Variants in PEX3 observed in about 807,000 individuals in gnomAD.
PEX3 encodes the protein peroxin-3.
A neutral mutation model predicts 55.8 loss-of-function variants in PEX3; 30 were observed. That is an observed-to-expected ratio of 0.54 (90% CI 0.40 to 0.73). The LOEUF is 0.73. PEX3 is among the 30% of genes least tolerant of loss of function. The pLI is 0.00. For synonymous variants in PEX3, 135 were observed against 148.4 expected (o/e 0.91, Z 0.66); for missense variants, 351 against 432.8 (o/e 0.81, Z 1.68).
chr6:143,461,915 T>G (rs558501111), intron 2 of PEX3, among the ~76,000 whole-genome samples: 12 of 152,346 alleles, frequency 7.9e-5, no homozygotes, highest in Admixed American at 2.6e-4. Context: ...ACCACTGCAC[T>G]CCAGCCTGGG....
Position 143,466,781 on chromosome 6 carries a change from A to G in PEX3, c.288-1341A>G, listed in dbSNP as rs1324719594. Among the ~76,000 whole-genome samples the G allele has an allele frequency of 6.6e-6, 1 of 152,068 alleles. No individual in the cohort carries two copies. The highest frequency in any genetic ancestry group is 2.4e-5 in the African/African-American group (1 of 41,442). The stretch of plus-strand genomic sequence containing the variant: ...TAAGGGGGCAGATATAAATGTATAT[A>G]TACATATTCACTTATATAAAGCAAA... On this transcript the variant is annotated intron_variant, in intron 3 of 11. Transcript: ENST00000367591. This position sits in a 1 kb window ranked among gnomAD's most constrained non-coding sequence, Gnocchi z 5.4.
chr6:143,480,792 C>T (rs1365775854), intron 10 of PEX3, among the ~76,000 whole-genome samples: 1 of 152,158 alleles, frequency 6.6e-6, no homozygotes, highest in Non-Finnish European at 1.5e-5. Flanking sequence ...GGGTGGATTG[C>T]ACGAGCCCAG....
rs2128748198 is a variant in PEX3 at position 143,487,155 on chromosome 6, G to C, written c.1038+1907G>C. ...GATAAATTATTTCAGATTGCTTTCA[G>C]ATAACATAAGGAAAGAGCTTTTATA... On this transcript the variant is annotated intron_variant, in intron 11 of 11. Transcript: ENST00000367591. This position sits in a 1 kb window ranked among gnomAD's most constrained non-coding sequence, Gnocchi z 5.3. Among the ~76,000 whole-genome samples the C allele has an allele frequency of 6.6e-6, 1 of 152,278 alleles. No homozygotes were observed. The highest frequency in any genetic ancestry group is 2.1e-4 in the South Asian group (1 of 4,828).
In PEX3 at chr6:143,485,384, T is replaced by A; in HGVS notation, c.1038+136T>A. 1 of 693,388 alleles carries A rather than the reference T, an allele frequency of 1.4e-6. No homozygotes were observed. The highest frequency in any genetic ancestry group is 2.0e-5 in the Admixed American group (1 of 49,762). 43.0% of individuals were successfully genotyped at this position (693,388 alleles called of 1,614,324 possible). A position where few individuals can be genotyped will look rare whatever the true frequency, so the allele number is the denominator to read the frequency against. On this transcript the variant is annotated intron_variant, in intron 11 of 11. Coordinates refer to ENST00000367591, the MANE Select transcript of PEX3 (RefSeq NM_003630.3). The surrounding 1 kb of genome is among the most constrained non-coding windows in gnomAD (Gnocchi z 5.6). ...ACAGAACTTGGAACTACATGTAGAGTATGGTAGAGTGTCCCATGAGAGTAA... is the reference window on the plus strand; with the variant it reads ...ACAGAACTTGGAACTACATGTAGAGAATGGTAGAGTGTCCCATGAGAGTAA...
Position 143,489,237 on chromosome 6 carries a change from A to G in PEX3, c.*11A>G. On this transcript the variant is annotated 3_prime_UTR_variant, in exon 12 of 12. Coordinates refer to ENST00000367591, the MANE Select transcript of PEX3 (RefSeq NM_003630.3). This position sits in a 1 kb window ranked among gnomAD's most constrained non-coding sequence, Gnocchi z 5.5. ...CAACTGGAGAAATGATTTTTCCTTC[A>G]AGAAAAACTACAGTGGGATTCATTT... 1 of 1,447,316 alleles carries G rather than the reference A, an allele frequency of 6.9e-7. No homozygotes were observed. The highest frequency in any genetic ancestry group is 1.7e-5 in the Admixed American group (1 of 59,766). The allele number at this position is 1,447,316 out of a possible 1,614,324, so 89.7% of individuals were successfully genotyped here. A position where few individuals can be genotyped will look rare whatever the true frequency, so the allele number is the denominator to read the frequency against.
Position 143,483,758 on chromosome 6 carries a change from T to C in PEX3, c.942-1394T>C, listed in dbSNP as rs983239442. Among the ~76,000 whole-genome samples the C allele has an allele frequency of 1.3e-5, 2 of 152,240 alleles. No individual in the cohort carries two copies. The highest frequency in any genetic ancestry group is 1.9e-4 in the East Asian group (1 of 5,184). On this transcript the variant is annotated intron_variant, in intron 10 of 11. Transcript: ENST00000367591. This position sits in a 1 kb window ranked among gnomAD's most constrained non-coding sequence, Gnocchi z 4.3. The stretch of plus-strand genomic sequence containing the variant: ...AGACAAATGGATGAATGAAGACTTA[T>C]TAATCAATTCAACAAGTATGTATTG...
At position 143,458,499 on chromosome 6, in the gene PEX3, G is replaced by T. The variant is rs161074; in HGVS notation, c.74-586G>T. ...TTCCTTTTAAAATTTTTATCTTATA[G>T]TTTTAAAAAGCATTTTGTGTTCATT... On this transcript the variant is annotated intron_variant, in intron 1 of 11. Coordinates refer to ENST00000367591, the MANE Select transcript of PEX3 (RefSeq NM_003630.3). The surrounding 1 kb of genome is among the most constrained non-coding windows in gnomAD (Gnocchi z 6.1). 0.69 allele frequency among the ~76,000 whole-genome samples: 104,349 copies of T among 151,984 alleles called. 36,186 individuals carry two copies. The highest frequency in any genetic ancestry group is 0.78 in the African/African-American group (32,193 of 41,464).
At chr6:143,484,701 A>G (rs1045781955) in intron 10 of PEX3, among the ~76,000 whole-genome samples, 4 of 152,106 alleles carry the variant, frequency 2.6e-5, no homozygotes, top group African/African-American at 7.2e-5. Flanking sequence ...TGACCCAGTG[A>G]TTTCATGTTT....
intron 9 of PEX3, among the ~76,000 whole-genome samples, chr6:143,477,119 A>C (rs1389620944): frequency 6.6e-6 from 1 of 152,198 alleles, no homozygotes; most frequent in Non-Finnish European, 1.5e-5. Context: ...CTTGTTGAGA[A>C]GTTTCAGAGG....
chr6:143,469,882 G>T (rs142850871), intron 4 of PEX3, among the ~76,000 whole-genome samples: 2,762 of 152,222 alleles, frequency 0.018, 104 homozygotes, highest in Admixed American at 0.073. Flanking sequence ...TCCAATTTCA[G>T]CTAAGCCTTG....
In PEX3 at chr6:143,458,425, A is replaced by T. The variant is rs1779874663; in HGVS notation, c.74-660A>T. Among the ~76,000 whole-genome samples, 1 of 152,174 alleles carries T rather than the reference A, an allele frequency of 6.6e-6. No individual in the cohort carries two copies. Among genetic ancestry groups the T allele is most frequent in the Non-Finnish European group, 1.5e-5 (1 of 68,012 alleles). On this transcript the variant is annotated intron_variant, in intron 1 of 11. Coordinates refer to ENST00000367591, the MANE Select transcript of PEX3 (RefSeq NM_003630.3). This position sits in a 1 kb window ranked among gnomAD's most constrained non-coding sequence, Gnocchi z 6.1. ...TATCTCAAAGAGATTTTTCTAACACATGGATGGATAAATAGACTTCTGCCT... is the reference window on the plus strand; with the variant it reads ...TATCTCAAAGAGATTTTTCTAACACTTGGATGGATAAATAGACTTCTGCCT...
In PEX3 at chr6:143,470,972, A is replaced by C; in HGVS notation, c.343A>C (p.Ser115Arg). 1 of 1,612,614 alleles carries C rather than the reference A, an allele frequency of 6.2e-7. No individual in the cohort carries two copies. Among genetic ancestry groups the C allele is most frequent in the Non-Finnish European group, 8.5e-7 (1 of 1,178,842 alleles). ...EDLKIISFTR[S>R]TVAVYSTCML... Reference sequence around the variant, plus strand: ...TTTTCTCTGTGAAGGTTTCACAAGAAGTACTGTGGCTGTATACAGTACCTG... The same window carrying C: ...TTTTCTCTGTGAAGGTTTCACAAGACGTACTGTGGCTGTATACAGTACCTG... The change falls in exon 5 of 12, where the codon AGT becomes CGT. Residue 115 changes from serine to arginine, a missense_variant. Transcript: ENST00000367591.
At chr6:143,468,539 T>G (rs1411693895) in intron 4 of PEX3, among the ~76,000 whole-genome samples, 1 of 152,204 alleles carries the variant, frequency 6.6e-6, no homozygotes, top group Non-Finnish European at 1.5e-5. Context: ...AAAGCTAAAC[T>G]AGGGCCTACG....
rs948836637 is a variant in PEX3, at chr6:143,453,676, A to G, written c.73+2561A>G. ...TGACATCTTCACACTTTCCTCACTC[A>G]TGCGATCCTCTCACCTCAGCCTCCC... On this transcript the variant is annotated intron_variant, in intron 1 of 11. Transcript: ENST00000367591. This position sits in a 1 kb window ranked among gnomAD's most constrained non-coding sequence, Gnocchi z 4.6. 1.3e-5 allele frequency among the ~76,000 whole-genome samples: 2 copies of G among 152,110 alleles called. No individual in the cohort carries two copies. The highest frequency in any genetic ancestry group is 2.9e-5 in the Non-Finnish European group (2 of 68,018).
At position 143,471,307 on chromosome 6, in the gene PEX3, CAA is replaced by C; in HGVS notation, c.457-74_457-73del. 4 of 1,251,502 alleles carry C rather than the reference CAA, an allele frequency of 3.2e-6. No homozygotes were observed. Among genetic ancestry groups the C allele is most frequent in the South Asian group, 1.3e-5 (1 of 78,694 alleles). 77.5% of individuals were successfully genotyped at this position (1,251,502 alleles called of 1,614,324 possible). The stretch of plus-strand genomic sequence containing the variant: ...ATTTCAGATCTTGAAAAATCTCAGC[CAA>C]AGTTTTATTGAAAACATTTCTTATT... On this transcript the variant is annotated intron_variant, in intron 5 of 11. Transcript: ENST00000367591. The surrounding 1 kb of genome is among the most constrained non-coding windows in gnomAD (Gnocchi z 5.4).
chr6:143,465,927 A>G lies in PEX3; in HGVS notation c.288-2195A>G, dbSNP rs140217487. ...ATGTCTGAAAGTAATAATAAAGAAT[A>G]TGGACTTGTGTTTTCTATATCTGTG... On this transcript the variant is annotated intron_variant, in intron 3 of 11. Coordinates refer to ENST00000367591, the MANE Select transcript of PEX3 (RefSeq NM_003630.3). This position sits in a 1 kb window ranked among gnomAD's most constrained non-coding sequence, Gnocchi z 4.7. Among the ~76,000 whole-genome samples the G allele has an allele frequency of 7.2e-5, 11 of 152,180 alleles. No homozygotes were observed. The highest frequency in any genetic ancestry group is 2.6e-4 in the African/African-American group (11 of 41,550).
rs1562654589 is a variant in PEX3 at position 143,471,150 on chromosome 6, T to G, written c.456+65T>G. The stretch of plus-strand genomic sequence containing the variant: ...CAGGAGGTTCAAAGTTTAACTTATT[T>G]ATCCTGATAACAATTTCTATGAAAT... On this transcript the variant is annotated intron_variant, in intron 5 of 11. Coordinates refer to ENST00000367591, the MANE Select transcript of PEX3 (RefSeq NM_003630.3). The surrounding 1 kb of genome is among the most constrained non-coding windows in gnomAD (Gnocchi z 5.4). 3 of 1,345,510 alleles carry G rather than the reference T, an allele frequency of 2.2e-6. No homozygotes were observed. Among genetic ancestry groups the G allele is most frequent in the Non-Finnish European group, 3.2e-6 (3 of 938,800 alleles). 83.3% of individuals were successfully genotyped at this position (1,345,510 alleles called of 1,614,324 possible).
chr6:143,457,110 G>A (rs986645733), intron 1 of PEX3, among the ~76,000 whole-genome samples: 4 of 152,162 alleles, frequency 2.6e-5, no homozygotes, highest in African/African-American at 4.8e-5. Flanking sequence ...TGTCATCTTA[G>A]TGTTGATTTT....
intron 10 of PEX3, among the ~76,000 whole-genome samples, chr6:143,481,308 A>T (rs1780238735): frequency 6.6e-6 from 1 of 151,884 alleles, no homozygotes; most frequent in Admixed American, 6.6e-5. Context: ...AGCAGCTAAT[A>T]CTTTTTCCAT....
Sources: allele counts gnomAD v4.1 joint callset (sites outside exome capture counted in the v4.1 genomes callset), GRCh38; gene constraint gnomAD v4.1.1; non-coding constraint Gnocchi (gnomAD v3.1); transcripts MANE v1.5; gene names NCBI Gene and HGNC (gene_info 2026-07-23, HGNC 2026-07-21).